NAALADL2: variants seen among roughly 807,000 people sequenced by gnomAD.
The protein encoded by NAALADL2 is N-acetylated alpha-linked acidic dipeptidase like 2.
Under a neutral mutation model 87.2 loss-of-function variants are expected in NAALADL2, and 76 were observed. That is an observed-to-expected ratio of 0.87 (90% CI 0.72 to 1.05). The LOEUF (loss-of-function observed/expected upper bound fraction) is 1.05, where lower values mean the gene tolerates loss of function less well. Ranked by LOEUF, NAALADL2 falls within the 50% of genes least tolerant of loss-of-function variation. The probability of loss-of-function intolerance (pLI) is 0.00; values close to 1 mark genes in which losing one functional copy is unlikely to be tolerated. For synonymous variants in NAALADL2, 354 were observed against 331.0 expected (o/e 1.07, Z -0.75); for missense variants, 1,089 against 945.8 (o/e 1.15, Z -1.99).
chr3:175,417,090 G>T, intron 5 of NAALADL2, among the ~76,000 whole-genome samples: 1 of 136,956 alleles, frequency 7.3e-6, no homozygotes, highest in African/African-American at 2.7e-5. Flanking sequence ...CAGAAAACAA[G>T]CAGCCAAAAT....
chr3:175,386,566 T>C (rs1357652412), intron 5 of NAALADL2, among the ~76,000 whole-genome samples: 1 of 152,062 alleles, frequency 6.6e-6, no homozygotes, highest in African/African-American at 2.4e-5. Flanking sequence ...CTGGATTCAT[T>C]ACAGTAGTCC....
At chr3:175,627,998 C>A (rs147771441) in intron 11 of NAALADL2, among the ~76,000 whole-genome samples, 2 of 151,506 alleles carry the variant, frequency 1.3e-5, no homozygotes, top group Non-Finnish European at 3.0e-5. Context: ...TGAAAAAGAC[C>A]GCATTGATAG....
chr3:175,092,955 T>A (rs1720421130), intron 1 of NAALADL2, among the ~76,000 whole-genome samples: 1 of 151,872 alleles, frequency 6.6e-6, no homozygotes, highest in East Asian at 1.9e-4. Flanking sequence ...GTAAGGGTGT[T>A]ACAGATATTT....
intron 1 of NAALADL2, among the ~76,000 whole-genome samples, chr3:174,503,578 A>C (rs1279763288): frequency 6.6e-6 from 1 of 152,166 alleles, no homozygotes; most frequent in African/African-American, 2.4e-5. Flanking sequence ...TAAAAATATT[A>C]GTTTAATTAT....
chr3:175,306,596 G>A (rs1757754123), intron 4 of NAALADL2, among the ~76,000 whole-genome samples: 3 of 152,172 alleles, frequency 2.0e-5, no homozygotes, highest in African/African-American at 7.2e-5. Context: ...CAGATCATGA[G>A]GTAGGCGGAT....
intron 11 of NAALADL2, among the ~76,000 whole-genome samples, chr3:175,697,400 G>GACACAC (rs57471272): frequency 0.015 from 2,146 of 145,318 alleles, 38 homozygotes; most frequent in African/African-American, 0.045. Context: ...GCTGCACACA[G>GACACAC]ACACACACAC....
chr3:174,734,925 CTG>C (rs1733051012), intron 2 of NAALADL2, among the ~76,000 whole-genome samples: 2 of 152,028 alleles, frequency 1.3e-5, no homozygotes, highest in African/African-American at 4.8e-5. Flanking sequence ...GTGTGAAAAA[CTG>C]AGGAGGAAGG....
At chr3:175,008,777 C>G (rs559501693) in intron 1 of NAALADL2, among the ~76,000 whole-genome samples, 8 of 142,768 alleles carry the variant, frequency 5.6e-5, no homozygotes, top group African/African-American at 2.2e-4. Flanking sequence ...AATCAACCTT[C>G]TAGGATTCCT....
chr3:175,125,760 T>C (rs1040838242), intron 2 of NAALADL2, among the ~76,000 whole-genome samples: 2 of 152,086 alleles, frequency 1.3e-5, no homozygotes, highest in Non-Finnish European at 2.9e-5. Context: ...GTTAAGTGCA[T>C]AGTTCAGCAG....
chr3:175,168,364 G>A (rs533528445), intron 2 of NAALADL2, among the ~76,000 whole-genome samples: 1 of 151,856 alleles, frequency 6.6e-6, no homozygotes, highest in Admixed American at 6.6e-5. Flanking sequence ...TCTCTGACAA[G>A]AGGAAGCATA....
intron 2 of NAALADL2, among the ~76,000 whole-genome samples, chr3:174,735,812 C>T (rs1733138183): frequency 6.6e-6 from 1 of 152,174 alleles, no homozygotes; most frequent in African/African-American, 2.4e-5. Context: ...AACCTCTGGC[C>T]AGCAGCGCCT....
At position 175,279,496 on chromosome 3, in the gene NAALADL2, T is replaced by A. The variant is rs185763789; in HGVS notation, c.939+22966T>A. The stretch of plus-strand genomic sequence containing the variant: ...AATTAAAAACATGAGGTTTTTTTTT[T>A]AAAAAAATCTCCATTTGGTCTAAAA... On this transcript the variant is annotated intron_variant, in intron 4 of 13. Transcript: ENST00000454872. Among the ~76,000 whole-genome samples the A allele has an allele frequency of 9.8e-3, 1,494 of 151,818 alleles. 25 individuals carry two copies. The highest frequency in any genetic ancestry group is 0.031 in the African/African-American group (1,273 of 41,406).
intron 1 of NAALADL2, among the ~76,000 whole-genome samples, chr3:174,930,613 A>C (rs946952248): frequency 1.6e-4 from 16 of 99,792 alleles, no homozygotes; most frequent in African/African-American, 7.0e-4. Context: ...AATAAGATGA[A>C]CTTTTTTTTT....
intron 2 of NAALADL2, among the ~76,000 whole-genome samples, chr3:175,113,378 A>T (rs1384033461): frequency 6.6e-6 from 1 of 151,596 alleles, no homozygotes; most frequent in Admixed American, 6.6e-5. Flanking sequence ...CACAGTACAC[A>T]AAACTGCTTT....
intron 12 of NAALADL2, among the ~76,000 whole-genome samples, chr3:175,738,387 A>G (rs1744802682): frequency 6.6e-6 from 1 of 152,074 alleles, no homozygotes; most frequent in Non-Finnish European, 1.5e-5. Flanking sequence ...AGCTGGAACT[A>G]CAGGCACATG....
intron 1 of NAALADL2, among the ~76,000 whole-genome samples, chr3:175,070,729 A>T (rs944114432): frequency 6.6e-6 from 1 of 152,092 alleles, no homozygotes; most frequent in African/African-American, 2.4e-5. Flanking sequence ...AGCATGGTGA[A>T]TTACTTTGAA....
intron 11 of NAALADL2, among the ~76,000 whole-genome samples, chr3:175,638,448 T>A (rs1728842621): frequency 6.6e-6 from 1 of 152,200 alleles, no homozygotes; most frequent in African/African-American, 2.4e-5. Flanking sequence ...GCTGCCACTT[T>A]TGGGAATTTT....
intron 9 of NAALADL2, among the ~76,000 whole-genome samples, chr3:175,481,687 C>T (rs1393211211): frequency 6.6e-6 from 1 of 151,784 alleles, no homozygotes; most frequent in Non-Finnish European, 1.5e-5. Context: ...CCCAAACAAC[C>T]TAAATGTCTA....
chr3:174,785,481 A>G (rs1430221552), intron 3 of NAALADL2, among the ~76,000 whole-genome samples: 3 of 152,122 alleles, frequency 2.0e-5, no homozygotes, highest in Non-Finnish European at 4.4e-5. Context: ...TGGGTTCTCT[A>G]TTCTATTCCA....
Sources: allele counts gnomAD v4.1 joint callset (sites outside exome capture counted in the v4.1 genomes callset), GRCh38; gene constraint gnomAD v4.1.1; transcripts MANE v1.5; gene names NCBI Gene and HGNC (gene_info 2026-07-23, HGNC 2026-07-21).